Variants in DTX4 observed in about 807,000 individuals in gnomAD.
DTX4 encodes the protein deltex E3 ubiquitin ligase 4.
A neutral mutation model predicts 57.6 loss-of-function variants in DTX4; 28 were observed. The observed-to-expected ratio is 0.49, with a 90% CI of 0.36 to 0.67. DTX4 has a LOEUF of 0.67. Among genes scored for constraint, DTX4 ranks in the 30% least tolerant of loss-of-function variants. The probability of loss-of-function intolerance (pLI) is 0.00; values close to 1 mark genes in which losing one functional copy is unlikely to be tolerated. For missense variants in DTX4, 715 were observed against 836.8 expected, an observed-to-expected ratio of 0.85 and a Z score of 1.80; for synonymous variants, 316 against 331.0, an observed-to-expected ratio of 0.95 and a Z score of 0.49.
rs71036507 is a variant in DTX4 at position 59,174,501 on chromosome 11, G to GAAAAAAAAAAAAAAAAA, written c.211+1707_211+1708insAAAAAAAAAAAAAAAAA. Among the ~76,000 whole-genome samples the GAAAAAAAAAAAAAAAAA allele has an allele frequency of 4.4e-4, 52 of 118,004 alleles. 2 individuals are homozygous for GAAAAAAAAAAAAAAAAA. The highest frequency in any genetic ancestry group is 1.5e-3 in the African/African-American group (40 of 25,868). 77.4% of individuals were successfully genotyped at this position (118,004 alleles called of 152,430 possible). A position where few individuals can be genotyped will look rare whatever the true frequency, so the allele number is the denominator to read the frequency against. ...CATCTGACAGGGGATTCCAGTCCTG[G>GAAAAAAAAAAAAAAAAA]AAAAAAAAAAAAGCAGGTGTTACCT... On this transcript the variant is annotated intron_variant, in intron 1 of 8. Transcript: ENST00000227451.
At chr11:59,173,624 A>G (rs1862357569) in intron 1 of DTX4, among the ~76,000 whole-genome samples, 1 of 152,150 alleles carries the variant, frequency 6.6e-6, no homozygotes, top group Non-Finnish European at 1.5e-5. Context: ...TCTTGAAACC[A>G]TAGCCTGTAA....
At chr11:59,196,789 C>A (rs536541369) in intron 7 of DTX4, among the ~76,000 whole-genome samples, 2 of 152,246 alleles carry the variant, frequency 1.3e-5, no homozygotes, top group Admixed American at 1.3e-4. Context: ...CCATCATGCC[C>A]AGATGAGGCC....
At chr11:59,194,938 A>G (rs1862643392) in intron 6 of DTX4, 1 of 484,842 alleles carries the variant, frequency 2.1e-6, no homozygotes, top group East Asian at 4.0e-5. Flanking sequence ...CCTGCCCTAG[A>G]GAGCTGGTCC....
At chr11:59,199,582 A>G in intron 7 of DTX4, 102 bp from the exon 8 acceptor site, 1 of 917,494 alleles carries the variant, frequency 1.1e-6, no homozygotes, top group Non-Finnish European at 1.7e-6. Flanking sequence ...GCTTTATGGG[A>G]ATTATTATTG....
At chr11:59,198,864 G>A (rs931106571) in intron 7 of DTX4, among the ~76,000 whole-genome samples, 12 of 152,134 alleles carry the variant, frequency 7.9e-5, no homozygotes, top group South Asian at 2.1e-4. Flanking sequence ...CATTGTTACC[G>A]GGAGAAAATT....
At position 59,178,292 on chromosome 11, in the gene DTX4, A is replaced by G. The variant is rs116129257; in HGVS notation, c.212-3447A>G. Among the ~76,000 whole-genome samples, 267 of 152,198 alleles carry G rather than the reference A, an allele frequency of 1.8e-3. 1 individual carries two copies. The highest frequency in any genetic ancestry group is 5.8e-3 in the African/African-American group (239 of 41,526). On this transcript the variant is annotated intron_variant, in intron 1 of 8. Coordinates refer to ENST00000227451, the MANE Select transcript of DTX4 (RefSeq NM_015177.2). The stretch of plus-strand genomic sequence containing the variant: ...GTGGGTAGGGGGGATTTAGATTTCA[A>G]CCTAATGGGAAGTCATGGAAGGGAT...
At chr11:59,189,667 G>A (rs76675157) in intron 4 of DTX4, among the ~76,000 whole-genome samples, 1 of 152,198 alleles carries the variant, frequency 6.6e-6, no homozygotes, top group Non-Finnish European at 1.5e-5. Context: ...TGCAAGTTGT[G>A]TGACCACATG....
rs559600111 is a variant in DTX4 at position 59,197,963 on chromosome 11, C to A, written c.1537-1721C>A. On this transcript the variant is annotated intron_variant, in intron 7 of 8. Coordinates refer to ENST00000227451, the MANE Select transcript of DTX4 (RefSeq NM_015177.2). ...GCTGCCTTGACGGGTACCACGGTGG[C>A]TCCTCCTGAAAAACCCAAGCTCGTA... is the stretch of plus-strand genomic sequence containing the variant. 1.2e-4 allele frequency among the ~76,000 whole-genome samples: 18 copies of A among 152,258 alleles called. No individual in the cohort carries two copies. The South Asian group carries it at 3.7e-3, about 32-fold the overall frequency.
intron 1 of DTX4, among the ~76,000 whole-genome samples, chr11:59,175,308 C>G (rs538254315): frequency 6.6e-6 from 1 of 152,302 alleles, no homozygotes; most frequent in South Asian, 2.1e-4. Context: ...TTGTTGCCTC[C>G]TCTGTATGGG....
chr11:59,204,893 C>A lies in DTX4; in HGVS notation c.1844C>A (p.Ala615Asp), dbSNP rs1862785573. ...CAGGGCATCTCTGAGGACAGCACTG[C>A]CCAGGAGAAGGACTGAGGCCAGAAA... ...AAQGISEDST[A>D]QEKD Residue 615 changes from alanine to aspartate, a missense_variant, in exon 9 of 9, where the codon GCC becomes GAC. Transcript: ENST00000227451. 1 of 1,584,564 alleles carries A rather than the reference C, an allele frequency of 6.3e-7. No homozygotes were observed. The highest frequency in any genetic ancestry group is 8.6e-7 in the Non-Finnish European group (1 of 1,164,668).
chr11:59,181,252 A>AT (rs1439954996), intron 1 of DTX4, among the ~76,000 whole-genome samples: 3 of 152,186 alleles, frequency 2.0e-5, no homozygotes, highest in African/African-American at 7.2e-5. Context: ...AGGGCTTTAC[A>AT]TGCCTTAGTG....
At chr11:59,183,799 T>C (rs898753790) in intron 2 of DTX4, among the ~76,000 whole-genome samples, 2 of 152,214 alleles carry the variant, frequency 1.3e-5, no homozygotes, top group Non-Finnish European at 2.9e-5. Context: ...CACAGAATCT[T>C]TGCAAGATCC....
chr11:59,200,669 C>A (rs1035293105), intron 8 of DTX4, among the ~76,000 whole-genome samples: 1 of 152,114 alleles, frequency 6.6e-6, no homozygotes, highest in South Asian at 2.1e-4. Flanking sequence ...TTCTGGATTC[C>A]TAGTGATTCA....
At chr11:59,174,795 T>C (rs1862375365) in intron 1 of DTX4, among the ~76,000 whole-genome samples, 1 of 152,206 alleles carries the variant, frequency 6.6e-6, no homozygotes, top group Non-Finnish European at 1.5e-5. Context: ...AGTCAGAGGC[T>C]GGCGCTCCCT....
chr11:59,191,186 G>T lies in DTX4; in HGVS notation c.1221+11G>T. The T allele has an allele frequency of 6.4e-7, 1 of 1,565,496 alleles. No individual in the cohort carries two copies. Among genetic ancestry groups the T allele is most frequent in the Non-Finnish European group, 8.7e-7 (1 of 1,155,030 alleles). The stretch of plus-strand genomic sequence containing the variant: ...CACCCACCAGATGAGGTGAGTTCAG[G>T]GTTAGAAGAGCGGGATTCACCTCTC... On this transcript the variant is annotated intron_variant, in intron 5 of 8. Transcript: ENST00000227451.
At chr11:59,198,910 G>A (rs1000184692) in intron 7 of DTX4, among the ~76,000 whole-genome samples, 5 of 152,186 alleles carry the variant, frequency 3.3e-5, no homozygotes, top group African/African-American at 1.2e-4. Flanking sequence ...GAGGCCTGTG[G>A]ACTCATTCTG....
intron 1 of DTX4, among the ~76,000 whole-genome samples, chr11:59,173,615 C>T (rs1164387024): frequency 1.3e-5 from 2 of 152,300 alleles, no homozygotes; most frequent in South Asian, 2.1e-4. Flanking sequence ...CAGGCTTCCT[C>T]TTGAAACCAT....
intron 6 of DTX4, 38 bp from the exon 7 acceptor site, chr11:59,195,170 T>C: frequency 6.2e-7 from 1 of 1,611,408 alleles, no homozygotes; most frequent in Non-Finnish European, 8.5e-7. Context: ...TTACCAAAAC[T>C]GTTTCCCAAT....
In DTX4 at chr11:59,207,104, G is replaced by A. The variant is rs1236754993; in HGVS notation, c.*2195G>A. ...CGCACACTGGTCAAGTATCTGCTGA[G>A]CTTCTTGGCCGCAAGGATGCAGAAA... On this transcript the variant is annotated 3_prime_UTR_variant, in exon 9 of 9. Coordinates refer to ENST00000227451, the MANE Select transcript of DTX4 (RefSeq NM_015177.2). 6.6e-6 allele frequency: 1 copy of A among 152,294 alleles called. No homozygotes were observed. The highest frequency in any genetic ancestry group is 1.5e-5 in the Non-Finnish European group (1 of 68,096). The allele number at this position is 152,294 out of a possible 1,614,324, so 9.4% of individuals were successfully genotyped here.
Sources: allele counts gnomAD v4.1 joint callset (sites outside exome capture counted in the v4.1 genomes callset), GRCh38; gene constraint gnomAD v4.1.1; transcripts MANE v1.5; gene names NCBI Gene and HGNC (gene_info 2026-07-23, HGNC 2026-07-21).